SCHIP1: variants seen among roughly 807,000 people sequenced by gnomAD.
SCHIP1 encodes the protein schwannomin-interacting protein 1.
Under a neutral mutation model 29.7 loss-of-function variants are expected in SCHIP1, and 8 were observed. The ratio of observed to expected loss-of-function variants is 0.27; its 90% CI spans 0.16 to 0.49. The LOEUF is 0.49. SCHIP1 is among the 20% of genes least tolerant of loss of function. The pLI is 0.99. For synonymous variants in SCHIP1, 76 were observed against 94.9 expected (o/e 0.80, Z 1.16); for missense variants, 193 against 294.6 (o/e 0.66, Z 2.52).
chr3:159,362,441 T>G, the SCHIP1 span, among the ~76,000 whole-genome samples: 1 of 152,232 alleles, frequency 6.6e-6, no homozygotes, highest in African/African-American at 2.4e-5. Flanking sequence ...CTCAAGTGTT[T>G]GGATTATTAA....
At chr3:159,563,214 T>A in the SCHIP1 span, among the ~76,000 whole-genome samples, 57 of 152,332 alleles carry the variant, frequency 3.7e-4, no homozygotes, top group Non-Finnish European at 5.9e-5. Context: ...AATGTAATAC[T>A]TACATTTCTT....
At chr3:159,428,554 T>C in the SCHIP1 span, among the ~76,000 whole-genome samples, 2 of 152,012 alleles carry the variant, frequency 1.3e-5, no homozygotes, top group South Asian at 2.1e-4. Context: ...CAACAGGTGC[T>C]GGAGAGGATG....
At chr3:159,486,617 C>T in the SCHIP1 span, among the ~76,000 whole-genome samples, 1 of 152,228 alleles carries the variant, frequency 6.6e-6, no homozygotes, top group East Asian at 1.9e-4. Flanking sequence ...GGCACTCCCT[C>T]AGGAAGGTGG....
At chr3:159,664,123 T>C in the SCHIP1 span, among the ~76,000 whole-genome samples, 1 of 152,222 alleles carries the variant, frequency 6.6e-6, no homozygotes, top group African/African-American at 2.4e-5. Context: ...AGGCATTAAC[T>C]GACGAGGAAA....
At chr3:159,564,787 A>C in the SCHIP1 span, among the ~76,000 whole-genome samples, 13 of 152,204 alleles carry the variant, frequency 8.5e-5, no homozygotes, top group Non-Finnish European at 1.5e-4. Context: ...TTGTTGTTTC[A>C]TATGGCAGTA....
chr3:159,554,409 T>C, the SCHIP1 span, among the ~76,000 whole-genome samples: 1 of 152,268 alleles, frequency 6.6e-6, no homozygotes, highest in South Asian at 2.1e-4. Context: ...ATTTGTCTTT[T>C]TGGCCTTAGA....
At chr3:159,373,490 T>G in the SCHIP1 span, among the ~76,000 whole-genome samples, 1 of 152,170 alleles carries the variant, frequency 6.6e-6, no homozygotes, top group East Asian at 1.9e-4. Context: ...CATTATTATT[T>G]ATTGTATTCA....
the SCHIP1 span, among the ~76,000 whole-genome samples, chr3:159,390,948 T>A: frequency 1.9e-3 from 292 of 152,292 alleles, 2 homozygotes; most frequent in African/African-American, 6.9e-3. Context: ...TATCCTTTCA[T>A]ACAATCAGTT....
chr3:159,541,308 A>G, the SCHIP1 span, among the ~76,000 whole-genome samples: 1 of 152,078 alleles, frequency 6.6e-6, no homozygotes, highest in Admixed American at 6.6e-5. Context: ...TGATACAAAG[A>G]AAGTTAGAGC....
At chr3:159,422,849 C>T in the SCHIP1 span, among the ~76,000 whole-genome samples, 60,453 of 152,076 alleles carry the variant, frequency 0.4, 12,841 homozygotes, top group Non-Finnish European at 0.48. Context: ...TTTCAACACT[C>T]ATTGGGCATT....
chr3:159,825,058 A>G, the SCHIP1 span, among the ~76,000 whole-genome samples: 1 of 152,190 alleles, frequency 6.6e-6, no homozygotes, highest in East Asian at 1.9e-4. Flanking sequence ...TTTAGATATA[A>G]GAATTCTGAC....
At chr3:159,403,139 G>T in the SCHIP1 span, among the ~76,000 whole-genome samples, 2 of 152,016 alleles carry the variant, frequency 1.3e-5, no homozygotes, top group African/African-American at 4.8e-5. Flanking sequence ...CCTTTAATGG[G>T]CAAATAAAAT....
the SCHIP1 span, among the ~76,000 whole-genome samples, chr3:159,630,812 C>T: frequency 1.3e-5 from 2 of 152,062 alleles, no homozygotes; most frequent in African/African-American, 4.8e-5. Flanking sequence ...CAGAAATCGC[C>T]ACTAAAGAAC....
chr3:159,428,749 A>G, the SCHIP1 span, among the ~76,000 whole-genome samples: 1 of 151,960 alleles, frequency 6.6e-6, no homozygotes, highest in Non-Finnish European at 1.5e-5. Flanking sequence ...ATACACACGT[A>G]TGTTTATTGC....
chr3:159,390,988 G>C, the SCHIP1 span, among the ~76,000 whole-genome samples: 2 of 152,268 alleles, frequency 1.3e-5, no homozygotes, highest in South Asian at 2.1e-4. Context: ...GAAATCATCA[G>C]AGCCTGAGCT....
At chr3:159,408,065 G>A in the SCHIP1 span, among the ~76,000 whole-genome samples, 10 of 152,124 alleles carry the variant, frequency 6.6e-5, no homozygotes, top group African/African-American at 9.6e-5. Flanking sequence ...TTGGGAAGCC[G>A]AGGCAGGCGG....
chr3:159,428,740 T>A, the SCHIP1 span, among the ~76,000 whole-genome samples: 84,694 of 150,062 alleles, frequency 0.56, 24,833 homozygotes, highest in East Asian at 0.75. Flanking sequence ...TAAAGACAGA[T>A]ACACACGTAT....
At chr3:159,657,764 T>G in the SCHIP1 span, among the ~76,000 whole-genome samples, 1 of 152,216 alleles carries the variant, frequency 6.6e-6, no homozygotes, top group African/African-American at 2.4e-5. Context: ...AAGCAACTGA[T>G]AGGATTTGAG....
the SCHIP1 span, among the ~76,000 whole-genome samples, chr3:159,445,741 T>C: frequency 1.2e-4 from 18 of 151,608 alleles, no homozygotes; most frequent in East Asian, 5.8e-4. Context: ...ATGGATGAAA[T>C]TGGAAATCAT....
Sources: gnomAD v4.1 joint callset for allele counts (sites outside exome capture counted in the v4.1 genomes callset) on GRCh38, gnomAD v4.1.1 for gene constraint, MANE v1.5 for transcripts, NCBI Gene and HGNC (gene_info 2026-07-23, HGNC 2026-07-21) for gene names.